NRG1: variants seen among roughly 807,000 people sequenced by gnomAD.
NRG1 encodes the protein pro-neuregulin-1, membrane-bound isoform.
NRG1 carries 18 observed loss-of-function variants against 63.8 expected under a neutral mutation model. The ratio of observed to expected loss-of-function variants is 0.28; its 90% CI spans 0.19 to 0.42. The LOEUF (loss-of-function observed/expected upper bound fraction) is 0.42. NRG1 is among the 10% of genes least tolerant of loss of function. NRG1 has a pLI of 1.00. For synonymous variants in NRG1, 302 were observed against 301.3 expected (o/e 1.00, Z -0.02); for missense variants, 762 against 814.7 (o/e 0.94, Z 0.79).
At chr8:32,539,128 C>T (rs930766152) in intron 1 of NRG1, among the ~76,000 whole-genome samples, 1 of 152,104 alleles carries the variant, frequency 6.6e-6, no homozygotes, top group African/African-American at 2.4e-5. Context: ...CCACAATGCA[C>T]AGGAGAAGAT....
rs1029598160 is a variant in NRG1 at position 31,682,791 on chromosome 8, A to G, written c.37+43360A>G. Among the ~76,000 whole-genome samples, 3 of 152,312 alleles carry G rather than the reference A, an allele frequency of 2.0e-5. No individual in the cohort carries two copies. In the South Asian group the frequency reaches 6.2e-4, roughly 32 times the overall value. On this transcript the variant is annotated intron_variant, in intron 1 of 10. Transcript: ENST00000519301. ...AATGCAGTCGAATAAAAACAGATGC[A>G]GTATAATGCTCAAAACATACAAGCT...
chr8:32,374,284 A>T (rs1040623997), intron 1 of NRG1, among the ~76,000 whole-genome samples: 4 of 152,312 alleles, frequency 2.6e-5, no homozygotes, highest in Admixed American at 2.0e-4. Context: ...CATTGGTGTG[A>T]TCTGGGCTGT....
chr8:32,300,134 C>T (rs974854946), intron 1 of NRG1, among the ~76,000 whole-genome samples: 10 of 152,090 alleles, frequency 6.6e-5, no homozygotes, highest in African/African-American at 2.2e-4. Flanking sequence ...ACCCAGAACC[C>T]TCATGTGCCA....
chr8:32,457,500 A>T (rs923987225), intron 1 of NRG1, among the ~76,000 whole-genome samples: 1 of 152,188 alleles, frequency 6.6e-6, no homozygotes, highest in Non-Finnish European at 1.5e-5. Context: ...AGAAAAGAGA[A>T]CTCCCTTGTA....
exon 1 of NRG1, chr8:32,548,596 C>A (rs1350629541): frequency 3.6e-5 from 48 of 1,346,260 alleles, no homozygotes; most frequent in Non-Finnish European, 4.5e-5. Context: ...CCCCGCGCAG[C>A]GCGAGCGCCT....
intron 1 of NRG1, among the ~76,000 whole-genome samples, chr8:31,690,521 G>A (rs1031802274): frequency 6.6e-5 from 10 of 152,192 alleles, no homozygotes; most frequent in East Asian, 1.9e-4. Flanking sequence ...GTGTGCAGAC[G>A]CCTTGGGCCA....
At chr8:32,363,284 C>T (rs1807478416) in intron 1 of NRG1, among the ~76,000 whole-genome samples, 1 of 152,160 alleles carries the variant, frequency 6.6e-6, no homozygotes, top group Admixed American at 6.5e-5. Context: ...CAATAGATGC[C>T]TCATCCTCCT....
chr8:31,846,614 T>C (rs1207692303), intron 1 of NRG1, among the ~76,000 whole-genome samples: 2 of 152,192 alleles, frequency 1.3e-5, no homozygotes, highest in Non-Finnish European at 2.9e-5. Flanking sequence ...AAAAATCTTG[T>C]TTGCAAATAA....
At chr8:32,277,935 A>C (rs1852283488) in intron 1 of NRG1, among the ~76,000 whole-genome samples, 1 of 152,214 alleles carries the variant, frequency 6.6e-6, no homozygotes, top group Admixed American at 6.5e-5. Context: ...CATGCTTCCC[A>C]CAGGCTGCTC....
At chr8:32,635,148 T>C (rs1318109565) in intron 5 of NRG1, among the ~76,000 whole-genome samples, 2 of 152,230 alleles carry the variant, frequency 1.3e-5, no homozygotes, top group Non-Finnish European at 2.9e-5. Flanking sequence ...CAGATTGCAC[T>C]TGTTACTTTA....
At chr8:32,691,231 G>A (rs1238412076) in intron 5 of NRG1, among the ~76,000 whole-genome samples, 1 of 152,040 alleles carries the variant, frequency 6.6e-6, no homozygotes, top group East Asian at 1.9e-4. Flanking sequence ...ATGGTGGCGG[G>A]CGCCTGTGAT....
intron 1 of NRG1, among the ~76,000 whole-genome samples, chr8:31,735,370 A>G (rs2131373693): frequency 6.6e-6 from 1 of 152,158 alleles, no homozygotes. Context: ...CTTAAATTAG[A>G]GCTTTACCTT....
chr8:32,412,940 C>A (rs1815319829), intron 1 of NRG1, among the ~76,000 whole-genome samples: 2 of 152,058 alleles, frequency 1.3e-5, no homozygotes, highest in African/African-American at 2.4e-5. Flanking sequence ...TGATTATCAA[C>A]CTAACTTTAA....
At chr8:32,386,967 TA>T (rs371410098) in intron 1 of NRG1, among the ~76,000 whole-genome samples, 2 of 151,922 alleles carry the variant, frequency 1.3e-5, no homozygotes, top group East Asian at 1.9e-4. Flanking sequence ...CTCACATATG[TA>T]AAAAAAAATT....
chr8:31,987,669 A>C (rs1810324763), intron 1 of NRG1, among the ~76,000 whole-genome samples: 1 of 152,016 alleles, frequency 6.6e-6, no homozygotes, highest in African/African-American at 2.4e-5. Flanking sequence ...CTGATGAAAT[A>C]ATTTGTATAA....
intron 5 of NRG1, among the ~76,000 whole-genome samples, chr8:32,708,512 A>G (rs1817002493): frequency 6.6e-6 from 1 of 152,200 alleles, no homozygotes; most frequent in African/African-American, 2.4e-5. Flanking sequence ...TCCATTGAAT[A>G]AGACATTTGA....
At chr8:32,513,321 T>C (rs1829439696) in intron 1 of NRG1, among the ~76,000 whole-genome samples, 1 of 151,438 alleles carries the variant, frequency 6.6e-6, no homozygotes, top group African/African-American at 2.4e-5. Flanking sequence ...AATTTGGGGC[T>C]GTGAGGCAGG....
intron 1 of NRG1, among the ~76,000 whole-genome samples, chr8:31,927,861 T>TA (rs1834516307): frequency 1.3e-5 from 2 of 150,560 alleles, no homozygotes; most frequent in Admixed American, 6.6e-5. Context: ...TTTTAAAAAA[T>TA]TTTATTATTA....
At chr8:31,676,047 T>G (rs142962627) in intron 1 of NRG1, among the ~76,000 whole-genome samples, 5 of 152,282 alleles carry the variant, frequency 3.3e-5, no homozygotes, top group Admixed American at 3.3e-4. Flanking sequence ...TAATGATATA[T>G]TCACTTTCTA....
Sources: allele counts gnomAD v4.1 joint callset (sites outside exome capture counted in the v4.1 genomes callset), GRCh38; gene constraint gnomAD v4.1.1; transcripts MANE v1.5; gene names NCBI Gene and HGNC (gene_info 2026-07-23, HGNC 2026-07-21).